The following PCNX2 variants were observed in gnomAD, a reference collection of about 807,000 sequenced individuals.
The protein encoded by PCNX2 is pecanex 2, also known as pecanex-like protein 2.
Under a neutral mutation model 223.8 loss-of-function variants are expected in PCNX2, and 168 were observed. The observed-to-expected ratio is 0.75, with a 90% CI of 0.66 to 0.85. The LOEUF (loss-of-function observed/expected upper bound fraction) is 0.85. Among genes scored for constraint, PCNX2 ranks in the 40% least tolerant of loss-of-function variants. PCNX2 has a pLI of 0.00. For synonymous variants in PCNX2, 1,006 were observed against 1,052.6 expected, an observed-to-expected ratio of 0.96 and a Z score of 0.86; for missense variants, 2,507 against 2,675.5, an observed-to-expected ratio of 0.94 and a Z score of 1.39.
chr1:233,065,449 A>G (rs1375375001), intron 23 of PCNX2: 1 of 152,234 alleles, frequency 6.6e-6, no homozygotes, highest in Non-Finnish European at 1.5e-5. Context: ...GAATACATGC[A>G]GATTGGTTGT....
Position 233,258,012 on chromosome 1 carries a change from T to C in PCNX2, c.1834+16A>G. 6.2e-7 allele frequency: 1 copy of C among 1,604,314 alleles called. No homozygotes were observed. The highest frequency in any genetic ancestry group is 1.1e-5 in the South Asian group (1 of 90,544). ...TTCTATGTCATCATCAGAACGGAAA[T>C]GACATGGAATCGCACCTCGGAGAAG... On this transcript the variant is annotated intron_variant, in intron 5 of 33. Transcript: ENST00000258229.
rs375349613 is a variant in PCNX2 at position 233,177,399 on chromosome 1, GAC to G, written c.3273+401_3273+402del. ...AAGTTCTAAGTTGCTAGCCAATCGGGACAAATATAGAATGTGAGGCCCCATTC... is the reference window on the plus strand; with the variant it reads ...AAGTTCTAAGTTGCTAGCCAATCGGGAAATATAGAATGTGAGGCCCCATTC... On this transcript the variant is annotated intron_variant, in intron 17 of 33. Transcript: ENST00000258229. Among the ~76,000 whole-genome samples the G allele has an allele frequency of 3.7e-4, 57 of 152,222 alleles. 1 individual carries two copies. Among genetic ancestry groups the G allele is most frequent in the Middle Eastern group, 3.4e-3 (1 of 294 alleles).
intron 21 of PCNX2, among the ~76,000 whole-genome samples, chr1:233,105,267 A>G (rs1571876309): frequency 6.6e-6 from 1 of 152,230 alleles, no homozygotes; most frequent in Non-Finnish European, 1.5e-5. Context: ...ATGTTAATGT[A>G]ATTCACAAAA....
At chr1:233,267,075 T>G (rs1660375844) in intron 1 of PCNX2, among the ~76,000 whole-genome samples, 1 of 152,094 alleles carries the variant, frequency 6.6e-6, no homozygotes, top group Non-Finnish European at 1.5e-5. Context: ...TCCCAGCACT[T>G]TGGGAGGCCA....
Position 233,056,765 on chromosome 1 carries a change from A to G in PCNX2, c.4135+467T>C, listed in dbSNP as rs560748886. Among the ~76,000 whole-genome samples, 3 of 152,320 alleles carry G rather than the reference A, an allele frequency of 2.0e-5. No individual in the cohort carries two copies. In the South Asian group the frequency reaches 6.2e-4, roughly 32 times the overall value. On this transcript the variant is annotated intron_variant, in intron 24 of 33. Transcript: ENST00000258229. ...GAATGGTTAAAAAAGGAGATTGATT[A>G]TGGAAAGAAAAAAGTAAAATAATTT...
At chr1:233,012,363 C>A (rs919377510) in intron 28 of PCNX2, among the ~76,000 whole-genome samples, 1 of 152,104 alleles carries the variant, frequency 6.6e-6, no homozygotes, top group Non-Finnish European at 1.5e-5. Context: ...CCAGGCATAT[C>A]CAACTAGGTC....
At chr1:233,084,433 G>C (rs992698125) in intron 23 of PCNX2, among the ~76,000 whole-genome samples, 5 of 152,178 alleles carry the variant, frequency 3.3e-5, no homozygotes, top group African/African-American at 1.2e-4. Flanking sequence ...ATAAAGGATA[G>C]CACCCAGAAC....
chr1:232,994,737 C>T (rs957172642), intron 32 of PCNX2, among the ~76,000 whole-genome samples: 2 of 152,074 alleles, frequency 1.3e-5, no homozygotes, highest in African/African-American at 4.8e-5. Flanking sequence ...GTGGTTTCCC[C>T]CAGGCTGTTT....
intron 23 of PCNX2, among the ~76,000 whole-genome samples, chr1:233,073,605 CTTATTATTA>C (rs543473919): frequency 1.3e-5 from 2 of 150,880 alleles, no homozygotes; most frequent in African/African-American, 4.9e-5. Flanking sequence ...TAATATCTTT[CTTATTATTA>C]TTATTATTAT....
intron 9 of PCNX2, among the ~76,000 whole-genome samples, chr1:233,229,696 G>A (rs1343563016): frequency 2.0e-5 from 3 of 151,964 alleles, no homozygotes; most frequent in Non-Finnish European, 4.4e-5. Flanking sequence ...GGAAAAGTCA[G>A]TATCTAAAAA....
chr1:233,054,785 CAT>C (rs1394196143), intron 24 of PCNX2: 4 of 184,544 alleles, frequency 2.2e-5, no homozygotes, highest in East Asian at 2.8e-4. Context: ...AAATATTTGA[CAT>C]ATTATATAAC....
intron 28 of PCNX2, among the ~76,000 whole-genome samples, chr1:233,005,983 G>A (rs1038796978): frequency 6.6e-6 from 1 of 152,104 alleles, no homozygotes; most frequent in African/African-American, 2.4e-5. Context: ...TCGGTCAGCT[G>A]GGAAGTCAGT....
intron 20 of PCNX2, among the ~76,000 whole-genome samples, chr1:233,136,751 C>T (rs1005345970): frequency 6.6e-6 from 1 of 152,102 alleles, no homozygotes; most frequent in African/African-American, 2.4e-5. Context: ...CCTTTAACAA[C>T]AGCCCAAGGT....
chr1:233,277,575 G>T (rs116477254), intron 1 of PCNX2, among the ~76,000 whole-genome samples: 339 of 152,268 alleles, frequency 2.2e-3, no homozygotes, highest in African/African-American at 7.7e-3. Context: ...ACACTACAGA[G>T]GGGCACACAA....
intron 1 of PCNX2, chr1:233,289,235 A>G: frequency 6.5e-6 from 6 of 929,060 alleles, no homozygotes; most frequent in Admixed American, 5.1e-5. Context: ...TTTTCTGGAA[A>G]GATTTCAGTT....
rs1572219813 is a variant in PCNX2 at position 233,295,120 on chromosome 1, G to A, written c.153+206C>T. Among the ~76,000 whole-genome samples, 3 of 152,088 alleles carry A rather than the reference G, an allele frequency of 2.0e-5. No individual in the cohort carries two copies. The East Asian group carries it at 5.8e-4, about 29-fold the overall frequency. On this transcript the variant is annotated intron_variant, in intron 1 of 33. Transcript: ENST00000258229. This position sits in a 1 kb window ranked among gnomAD's most constrained non-coding sequence, Gnocchi z 4.1. ...TGAGTCCCCGAGCCCCCGCAGTCCT[G>A]TCTACTTCTTTTCTTTTCCAGTGAA... is the stretch of plus-strand genomic sequence containing the variant.
At chr1:233,194,740 G>A (rs1179844320) in intron 15 of PCNX2, among the ~76,000 whole-genome samples, 1 of 152,146 alleles carries the variant, frequency 6.6e-6, no homozygotes, top group Non-Finnish European at 1.5e-5. Flanking sequence ...AGTTAGGCTG[G>A]GGGCGGTGGC....
intron 15 of PCNX2, among the ~76,000 whole-genome samples, chr1:233,191,424 C>T (rs1680411923): frequency 6.6e-6 from 1 of 152,116 alleles, no homozygotes; most frequent in Admixed American, 6.5e-5. Context: ...AGGGTTGCCA[C>T]AAAGGGTAAA....
At position 233,200,098 on chromosome 1, in the gene PCNX2, G is replaced by A. The variant is rs538003160; in HGVS notation, c.2974+56C>T. The A allele has an allele frequency of 2.9e-6, 4 of 1,361,110 alleles. No homozygotes were observed. The Admixed American group carries it at 8.9e-5, about 30-fold the overall frequency. 84.3% of individuals were successfully genotyped at this position (1,361,110 alleles called of 1,614,324 possible). A position where few individuals can be genotyped will look rare whatever the true frequency, so the allele number is the denominator to read the frequency against. On this transcript the variant is annotated intron_variant, in intron 14 of 33. Transcript: ENST00000258229. ...CTCATCTCCTGCCTAAGGCTATTTAGTCCTTATCTGAACTCTGAATTCCTT... is the reference window on the plus strand; with the variant it reads ...CTCATCTCCTGCCTAAGGCTATTTAATCCTTATCTGAACTCTGAATTCCTT...
Sources: allele counts gnomAD v4.1 joint callset (sites outside exome capture counted in the v4.1 genomes callset), GRCh38; gene constraint gnomAD v4.1.1; non-coding constraint Gnocchi (gnomAD v3.1); transcripts MANE v1.5; gene names NCBI Gene and HGNC (gene_info 2026-07-23, HGNC 2026-07-21).